Variants in HSDL1 observed in about 807,000 individuals in gnomAD.
HSDL1 encodes hydroxysteroid dehydrogenase like 1.
HSDL1 carries 29 observed loss-of-function variants against 31.5 expected under a neutral mutation model. The observed-to-expected ratio is 0.92, with a 90% CI of 0.69 to 1.26. HSDL1 has a LOEUF of 1.26. HSDL1 is among the 50% of genes most tolerant of loss of function. HSDL1 has a pLI of 0.00. For synonymous variants in HSDL1, 222 were observed against 155.2 expected (o/e 1.43, Z -3.20); for missense variants, 503 against 416.6 (o/e 1.21, Z -1.81).
chr16:84,144,180 C>G (rs551061088), intron 1 of HSDL1: 11 of 152,042 alleles, frequency 7.2e-5, no homozygotes, highest in African/African-American at 2.7e-4. Context: ...ACTTTATTCT[C>G]TCATTAATCT....
chr16:84,127,960 C>T (rs1001293658), intron 5 of HSDL1, among the ~76,000 whole-genome samples: 1 of 149,994 alleles, frequency 6.7e-6, no homozygotes, highest in Non-Finnish European at 1.5e-5. Context: ...ACCTCGTGAT[C>T]CGCCCGCCTT....
chr16:84,134,684 C>T (rs762803219), intron 2 of HSDL1, among the ~76,000 whole-genome samples: 13 of 151,872 alleles, frequency 8.6e-5, no homozygotes, highest in African/African-American at 2.9e-4. Context: ...TTGTGAGTTC[C>T]GGAAATAACT....
Position 84,124,235 on chromosome 16 carries a change from A to T in HSDL1, c.*395T>A, listed in dbSNP as rs1201552291. 1 of 166,594 alleles carries T rather than the reference A, an allele frequency of 6.0e-6. No individual in the cohort carries two copies. Among genetic ancestry groups the T allele is most frequent in the African/African-American group, 2.4e-5 (1 of 41,750 alleles). 10.3% of individuals were successfully genotyped at this position (166,594 alleles called of 1,614,324 possible). ...AGTAGTCTTTCTTGATGCACATTTA[A>T]AAACCAGCACAACTCCTCTAGTGAA... On this transcript the variant is annotated 3_prime_UTR_variant, in exon 6 of 6. Transcript: ENST00000219439.
intron 1 of HSDL1, among the ~76,000 whole-genome samples, chr16:84,135,869 C>G (rs904898646): frequency 4.6e-5 from 7 of 152,202 alleles, no homozygotes; most frequent in African/African-American, 1.7e-4. Context: ...TTTCCTATGC[C>G]TTTTTTCCTA....
chr16:84,128,026 G>C (rs556053475), intron 5 of HSDL1, among the ~76,000 whole-genome samples: 12 of 147,870 alleles, frequency 8.1e-5, no homozygotes, highest in Non-Finnish European at 1.0e-4. Flanking sequence ...GCCAGCTCAC[G>C]CTTGTAAATC....
At chr16:84,134,272 A>AT (rs1416715171) in intron 2 of HSDL1, among the ~76,000 whole-genome samples, 1 of 152,152 alleles carries the variant, frequency 6.6e-6, no homozygotes, top group Non-Finnish European at 1.5e-5. Context: ...GAACAGTCAT[A>AT]AGTACTGGAC....
intron 5 of HSDL1, among the ~76,000 whole-genome samples, chr16:84,127,941 G>C (rs907523890): frequency 6.7e-6 from 1 of 150,122 alleles, no homozygotes; most frequent in Non-Finnish European, 1.5e-5. Flanking sequence ...GGATGGTCTC[G>C]ATCTCCTGAC....
At chr16:84,131,841 G>A (rs1396116584) in intron 2 of HSDL1, among the ~76,000 whole-genome samples, 1 of 152,124 alleles carries the variant, frequency 6.6e-6, no homozygotes, top group African/African-American at 2.4e-5. Flanking sequence ...CACCTCGCCC[G>A]GCTAATTTTT....
intron 1 of HSDL1, among the ~76,000 whole-genome samples, chr16:84,136,403 T>C (rs2086712643): frequency 6.6e-6 from 1 of 152,250 alleles, no homozygotes; most frequent in Admixed American, 6.5e-5. Context: ...GGCCAGATTC[T>C]ACTCCTCTCT....
At chr16:84,138,484 T>C (rs1309039155) in intron 1 of HSDL1, among the ~76,000 whole-genome samples, 1 of 149,778 alleles carries the variant, frequency 6.7e-6, no homozygotes, top group African/African-American at 2.5e-5. Flanking sequence ...CATAAAGAAA[T>C]AAAAAAGTAA....
intron 1 of HSDL1, among the ~76,000 whole-genome samples, chr16:84,142,799 G>A (rs1211422188): frequency 1.3e-5 from 2 of 152,088 alleles, no homozygotes; most frequent in African/African-American, 4.8e-5. Context: ...TTAATAAACA[G>A]AATCAAATAC....
chr16:84,144,822 T>C (rs1373176419), intron 1 of HSDL1, among the ~76,000 whole-genome samples: 2 of 120,140 alleles, frequency 1.7e-5, no homozygotes, highest in Non-Finnish European at 3.5e-5. Context: ...AGGGGGGCTC[T>C]GAGATGTGAA....
At chr16:84,139,869 G>A (rs533697828) in intron 1 of HSDL1, among the ~76,000 whole-genome samples, 65 of 151,198 alleles carry the variant, frequency 4.3e-4, no homozygotes, top group African/African-American at 1.5e-3. Context: ...GCTCCAGGGC[G>A]ATGGCTGTTT....
chr16:84,141,088 C>G (rs976229149), intron 1 of HSDL1, among the ~76,000 whole-genome samples: 2 of 134,316 alleles, frequency 1.5e-5, no homozygotes, highest in Admixed American at 1.4e-4. Context: ...GAGACTCCGT[C>G]TCAAACAAAA....
intron 1 of HSDL1, among the ~76,000 whole-genome samples, chr16:84,141,361 C>T (rs1189648129): frequency 2.0e-5 from 3 of 152,170 alleles, no homozygotes; most frequent in African/African-American, 4.8e-5. Context: ...AGATACACCA[C>T]GATTCACAGG....
chr16:84,137,665 T>C (rs1406347826), intron 1 of HSDL1, among the ~76,000 whole-genome samples: 4 of 152,224 alleles, frequency 2.6e-5, no homozygotes, highest in African/African-American at 9.6e-5. Flanking sequence ...GTTAGAGAAC[T>C]GGAAATTAAA....
intron 1 of HSDL1, among the ~76,000 whole-genome samples, chr16:84,140,860 T>A (rs2086760304): frequency 6.6e-6 from 1 of 151,952 alleles, no homozygotes; most frequent in South Asian, 2.1e-4. Flanking sequence ...TCCCAGCACT[T>A]TGGGAGGCCG....
In HSDL1 at chr16:84,129,563, C is replaced by T; in HGVS notation, c.879G>A (p.Trp293Ter). ...LGISKRTTGY[W>*]SHSIQFLFAQ... ...ACACTCCTACCTGAATAGAATGGGA[C>T]CAATATCCTGTGGTCCTTTTGGAAA... The change falls in exon 5 of 6, where the codon TGG becomes TGA. Residue 293 changes from tryptophan to a stop codon, truncating the protein, a stop_gained. Coordinates refer to ENST00000219439, the MANE Select transcript of HSDL1 (RefSeq NM_031463.5). LOFTEE classifies it high-confidence loss of function. The T allele has an allele frequency of 1.9e-6, 3 of 1,613,604 alleles. No homozygotes were observed. The highest frequency in any genetic ancestry group is 2.5e-6 in the Non-Finnish European group (3 of 1,179,544).
At chr16:84,127,481 G>C (rs561533162) in intron 5 of HSDL1, among the ~76,000 whole-genome samples, 1 of 152,022 alleles carries the variant, frequency 6.6e-6, no homozygotes, top group South Asian at 2.1e-4. Context: ...CTCCCAAACT[G>C]CTGGGATTAG....
Sources: allele counts gnomAD v4.1 joint callset (sites outside exome capture counted in the v4.1 genomes callset), GRCh38; gene constraint gnomAD v4.1.1; transcripts MANE v1.5; gene names NCBI Gene and HGNC (gene_info 2026-07-23, HGNC 2026-07-21).